The following ZDHHC20 variants were observed in gnomAD, a reference collection of about 807,000 sequenced individuals.
ZDHHC20 encodes zDHHC palmitoyltransferase 20.
Under a neutral mutation model 57.8 loss-of-function variants are expected in ZDHHC20, and 43 were observed. That is an observed-to-expected ratio of 0.74 (90% CI 0.58 to 0.96). The LOEUF is 0.96. ZDHHC20 is among the 40% of genes least tolerant of loss of function. The pLI is 0.00. For synonymous variants in ZDHHC20, 157 were observed against 153.0 expected, an observed-to-expected ratio of 1.03 and a Z score of -0.19; for missense variants, 391 against 441.1, an observed-to-expected ratio of 0.89 and a Z score of 1.02.
intron 9 of ZDHHC20, among the ~76,000 whole-genome samples, chr13:21,383,825 T>G (rs1269418640): frequency 6.6e-6 from 1 of 152,170 alleles, no homozygotes; most frequent in African/African-American, 2.4e-5. Context: ...AGAAAATTTC[T>G]GCCTTCAAGA....
intron 3 of ZDHHC20, 100 bp downstream of exon 3, chr13:21,420,961 G>T: frequency 1.1e-6 from 1 of 889,356 alleles, no homozygotes; most frequent in Non-Finnish European, 1.8e-6. Context: ...AATGGAAACA[G>T]AACACATGCA....
At chr13:21,415,613 C>T (rs9509688) in intron 3 of ZDHHC20, among the ~76,000 whole-genome samples, 24,227 of 152,126 alleles carry the variant, frequency 0.16, 2,634 homozygotes, top group Non-Finnish European at 0.25. Context: ...CTCTTGAATA[C>T]TTTGAGAGAA....
At chr13:21,412,897 G>A (rs543821691) in intron 4 of ZDHHC20, among the ~76,000 whole-genome samples, 4 of 150,978 alleles carry the variant, frequency 2.6e-5, no homozygotes, top group Non-Finnish European at 5.9e-5. Context: ...GAACCCTGGG[G>A]GTGGAAGTTG....
chr13:21,423,446 C>A (rs930280403), intron 2 of ZDHHC20, among the ~76,000 whole-genome samples: 1 of 151,960 alleles, frequency 6.6e-6, no homozygotes, highest in Non-Finnish European at 1.5e-5. Flanking sequence ...GAGGCTGGGG[C>A]GGGCGGATCA....
chr13:21,414,682 C>T (rs908961330), intron 3 of ZDHHC20, among the ~76,000 whole-genome samples: 1 of 151,830 alleles, frequency 6.6e-6, no homozygotes, highest in African/African-American at 2.4e-5. Flanking sequence ...AGGGCTGTTT[C>T]TTGTTTTCAC....
intron 1 of ZDHHC20, among the ~76,000 whole-genome samples, chr13:21,458,231 T>C (rs187585287): frequency 2.0e-5 from 3 of 152,344 alleles, no homozygotes; most frequent in Admixed American, 2.0e-4. Context: ...ATCCTTGAAG[T>C]ATACTGCAAT....
At chr13:21,397,523 A>G (rs1043021116) in intron 7 of ZDHHC20, among the ~76,000 whole-genome samples, 2 of 151,912 alleles carry the variant, frequency 1.3e-5, no homozygotes, top group Non-Finnish European at 2.9e-5. Flanking sequence ...TTAGCCGGGC[A>G]TGGTGGTGCC....
intron 1 of ZDHHC20, among the ~76,000 whole-genome samples, chr13:21,443,087 T>C (rs1248000696): frequency 6.6e-6 from 1 of 152,206 alleles, no homozygotes; most frequent in Non-Finnish European, 1.5e-5. Flanking sequence ...GACAGTGCAT[T>C]TATTTATCCT....
intron 4 of ZDHHC20, 30 bp from the exon 5 acceptor site, chr13:21,402,896 G>A (rs1479727591): frequency 5.2e-6 from 8 of 1,524,940 alleles, no homozygotes; most frequent in Non-Finnish European, 6.3e-6. Context: ...GGAAGATGCT[G>A]AAGGATGTAC....
chr13:21,386,946 A>G (rs1329657830), intron 9 of ZDHHC20, among the ~76,000 whole-genome samples: 1 of 152,218 alleles, frequency 6.6e-6, no homozygotes, highest in African/African-American at 2.4e-5. Flanking sequence ...TAATCTAGGG[A>G]AAAAACCCAT....
chr13:21,406,198 T>A lies in ZDHHC20; in HGVS notation c.371-3332A>T, dbSNP rs185472865. Among the ~76,000 whole-genome samples the A allele has an allele frequency of 2.0e-4, 31 of 152,320 alleles. No individual in the cohort carries two copies. The East Asian group carries it at 5.8e-3, about 28-fold the overall frequency. On this transcript the variant is annotated intron_variant, in intron 4 of 12. Coordinates refer to ENST00000400590, the MANE Select transcript of ZDHHC20 (RefSeq NM_001330059.2). ...CTTGGCTACACCTACTTACAGCATC[T>A]AAGCAACTTGCCTGGCTGGTGGGTC... is the stretch of plus-strand genomic sequence containing the variant.
At chr13:21,379,815 T>TTTCTTTC (rs1872926864) in intron 11 of ZDHHC20, among the ~76,000 whole-genome samples, 1 of 115,818 alleles carries the variant, frequency 8.6e-6, no homozygotes, top group South Asian at 3.2e-4. Context: ...TGCTCTTTTT[T>TTTCTTTC]TTCTTTTTTC....
In ZDHHC20 at chr13:21,404,888, A is replaced by G. The variant is rs773161714; in HGVS notation, c.371-2022T>C. ...ATCTTTCGGATGTCAATTAATATAT[A>G]TAACAGGGAAACAGAGTATACTTTG... is the stretch of plus-strand genomic sequence containing the variant. On this transcript the variant is annotated intron_variant, in intron 4 of 12. Transcript: ENST00000400590. 7.9e-5 allele frequency among the ~76,000 whole-genome samples: 12 copies of G among 152,220 alleles called. 1 individual carries two copies. Among genetic ancestry groups the G allele is most frequent in the African/African-American group, 1.4e-4 (6 of 41,452 alleles).
At position 21,387,632 on chromosome 13, in the gene ZDHHC20, A is replaced by T. The variant is rs1365066497; in HGVS notation, c.730T>A (p.Ser244Thr). The change falls in exon 9 of 13, where the codon TCA (serine) becomes ACA (threonine). Residue 244 changes from serine to threonine, a missense_variant and splice_region_variant. Coordinates refer to ENST00000400590, the MANE Select transcript of ZDHHC20 (RefSeq NM_001330059.2). ...TATGAAAACGTGGGTGCGCGGAATG[A>T]TTCTGTTAAATATACATACATATAT... ...LVGKNRTTIE[S>T]FRAPTFSYGP... 2.1e-6 allele frequency: 3 copies of T among 1,450,868 alleles called. No homozygotes were observed. The African/African-American group carries it at 4.3e-5, about 21-fold the overall frequency. The allele number at this position is 1,450,868 out of a possible 1,614,324, so 89.9% of individuals were successfully genotyped here.
intron 1 of ZDHHC20, among the ~76,000 whole-genome samples, chr13:21,446,538 TG>T (rs1883719592): frequency 1.3e-5 from 2 of 152,236 alleles, no homozygotes; most frequent in Admixed American, 1.3e-4. Context: ...TAAAATGCAT[TG>T]GGAAAGCCAA....
chr13:21,428,218 TTTTTG>T (rs1199580915), intron 1 of ZDHHC20, among the ~76,000 whole-genome samples: 3 of 152,184 alleles, frequency 2.0e-5, no homozygotes, highest in East Asian at 3.9e-4. Flanking sequence ...ATATTTTTCT[TTTTTG>T]TTTTGTTTTG....
intron 4 of ZDHHC20, among the ~76,000 whole-genome samples, chr13:21,405,894 T>G (rs1190928347): frequency 6.6e-6 from 1 of 152,198 alleles, no homozygotes; most frequent in South Asian, 2.1e-4. Flanking sequence ...TCCATAATGC[T>G]TGGGTGCACC....
chr13:21,430,954 TG>T (rs1881844665), intron 1 of ZDHHC20, among the ~76,000 whole-genome samples: 2 of 152,314 alleles, frequency 1.3e-5, no homozygotes, highest in South Asian at 4.1e-4. Context: ...GTCTCAGAAC[TG>T]GAAGTCCCTG....
intron 5 of ZDHHC20, among the ~76,000 whole-genome samples, chr13:21,402,046 C>T (rs1877701720): frequency 1.3e-5 from 2 of 151,974 alleles, no homozygotes. Context: ...ACCAGCCTGG[C>T]TGACATAGTG....
Sources: gnomAD v4.1 joint callset for allele counts (sites outside exome capture counted in the v4.1 genomes callset) on GRCh38, gnomAD v4.1.1 for gene constraint, MANE v1.5 for transcripts, NCBI Gene and HGNC (gene_info 2026-07-23, HGNC 2026-07-21) for gene names.